The following SPIDR variants were observed in gnomAD, a reference collection of about 807,000 sequenced individuals.
SPIDR encodes DNA repair-scaffolding protein.
SPIDR carries 93 observed loss-of-function variants against 104.6 expected under a neutral mutation model. That is an observed-to-expected ratio of 0.89 (90% confidence interval 0.75 to 1.06). The LOEUF (loss-of-function observed/expected upper bound fraction) is 1.06. SPIDR is among the 50% of genes least tolerant of loss of function. The pLI is 0.00. For missense variants in SPIDR, 1,154 were observed against 1,111.2 expected (o/e 1.04, Z -0.55); for synonymous variants, 431 against 416.9 (o/e 1.03, Z -0.41).
chr8:47,380,882 G>A (rs1554645122), intron 5 of SPIDR, among the ~76,000 whole-genome samples: 1 of 152,112 alleles, frequency 6.6e-6, no homozygotes, highest in Non-Finnish European at 1.5e-5. Flanking sequence ...GTCACAAAAA[G>A]CACACCATGT....
At chr8:47,333,565 G>A (rs1206844241) in intron 5 of SPIDR, among the ~76,000 whole-genome samples, 1 of 151,940 alleles carries the variant, frequency 6.6e-6, no homozygotes, top group African/African-American at 2.4e-5. Context: ...GCCTCCCAAA[G>A]TTCTGGGATT....
intron 10 of SPIDR, among the ~76,000 whole-genome samples, chr8:47,662,133 C>A (rs1450226978): frequency 6.6e-6 from 1 of 152,224 alleles, no homozygotes; most frequent in Non-Finnish European, 1.5e-5. Context: ...CCCTTACTCA[C>A]AACTGTGCTC....
At chr8:47,546,973 C>T in intron 8 of SPIDR, 1 of 502,136 alleles carries the variant, frequency 2.0e-6, no homozygotes, top group Non-Finnish European at 3.9e-6. Context: ...ACGTGAACCA[C>T]ATCAAAAGAT....
intron 7 of SPIDR, among the ~76,000 whole-genome samples, chr8:47,418,388 G>A (rs1278784985): frequency 1.3e-5 from 2 of 152,114 alleles, no homozygotes; most frequent in Admixed American, 6.5e-5. Context: ...TGAAGCAATT[G>A]TGTATGGGAA....
chr8:47,402,454 A>G (rs946424033), intron 6 of SPIDR, among the ~76,000 whole-genome samples: 2 of 152,246 alleles, frequency 1.3e-5, no homozygotes, highest in Non-Finnish European at 2.9e-5. Context: ...ATAGACTGCT[A>G]GCAGGACTAA....
At chr8:47,644,645 G>A (rs1251843971) in intron 10 of SPIDR, among the ~76,000 whole-genome samples, 1 of 152,178 alleles carries the variant, frequency 6.6e-6, no homozygotes, top group Non-Finnish European at 1.5e-5. Context: ...ATCTCCTTAT[G>A]TGATTGATAT....
chr8:47,503,788 A>G (rs186703072), intron 8 of SPIDR, among the ~76,000 whole-genome samples: 14,796 of 151,858 alleles, frequency 0.097, 950 homozygotes, highest in Non-Finnish European at 0.14. Flanking sequence ...GTTCCTTTCC[A>G]TGTTTAGTGC....
chr8:47,366,826 T>A (rs2057292616), intron 5 of SPIDR, among the ~76,000 whole-genome samples: 1 of 152,252 alleles, frequency 6.6e-6, no homozygotes, highest in Non-Finnish European at 1.5e-5. Context: ...TTTTTTTGGT[T>A]ATTCTGCTCT....
At chr8:47,469,628 C>A (rs2075393103) in intron 8 of SPIDR, among the ~76,000 whole-genome samples, 1 of 151,900 alleles carries the variant, frequency 6.6e-6, no homozygotes, top group Non-Finnish European at 1.5e-5. Context: ...GAACAGGAAA[C>A]CAAATACCAC....
intron 19 of SPIDR, chr8:47,729,738 TAGAC>T (rs1368417096): frequency 4.2e-6 from 2 of 472,000 alleles, no homozygotes; most frequent in African/African-American, 3.9e-5. Context: ...TTTTTGTTTT[TAGAC>T]AGAGTCTCAT....
intron 1 of SPIDR, among the ~76,000 whole-genome samples, chr8:47,271,681 AT>A (rs2035353874): frequency 6.6e-6 from 1 of 152,096 alleles, no homozygotes; most frequent in South Asian, 2.1e-4. Context: ...ATAGTAAGTG[AT>A]TTAAAGTCAT....
At position 47,727,291 on chromosome 8, in the gene SPIDR, C is replaced by T; in HGVS notation, c.2433C>T (p.Asp811=). 1 of 1,613,926 alleles carries T rather than the reference C, an allele frequency of 6.2e-7. No individual in the cohort carries two copies. The highest frequency in any genetic ancestry group is 1.1e-5 in the South Asian group (1 of 91,064). The change falls in exon 17 of 20, where the codon GAC becomes GAT. Residue 811 remains aspartate (D), a splice_region_variant and synonymous_variant. Transcript: ENST00000297423. The part of the protein sequence containing the change: ...GNGRLEQRPE[D]RGAFSCGDCS... ...GGAGATTGGAACAGAGGCCGGAAGA[C>T]AGGTAAGGGGACAGGAGCTGTCCTG...
chr8:47,701,562 A>G (rs925007898), intron 12 of SPIDR, among the ~76,000 whole-genome samples, 159 bp from the exon 13 acceptor site: 3 of 152,276 alleles, frequency 2.0e-5, no homozygotes, highest in African/African-American at 7.2e-5. Flanking sequence ...AGTTGGTCCC[A>G]GAAGTAAACA....
At position 47,386,586 on chromosome 8, in the gene SPIDR, C is replaced by T. The variant is rs140084524; in HGVS notation, c.526-9790C>T. On this transcript the variant is annotated intron_variant, in intron 5 of 19. Coordinates refer to ENST00000297423, the MANE Select transcript of SPIDR (RefSeq NM_001080394.4). ...CTGTTACTGGATTGCTGTGGGGGCTCGAGCAAGCCACTGAAGTGTCATCCC... is the reference window on the plus strand; with the variant it reads ...CTGTTACTGGATTGCTGTGGGGGCTTGAGCAAGCCACTGAAGTGTCATCCC... Among the ~76,000 whole-genome samples, 873 of 152,044 alleles carry T rather than the reference C, an allele frequency of 5.7e-3. 12 individuals carry two copies. The highest frequency in any genetic ancestry group is 0.02 in the African/African-American group (832 of 41,442).
rs372928071 is a variant in SPIDR, at chr8:47,594,196, CAAAAAAAAAAAAAAAA to C, written c.1098-1604_1098-1589del. ...TCACCATGATGAAACCCAGTCTCTA[CAAAAAAAAAAAAAAAA>C]AAAAAAAAAAGAATTAGCTGGACAT... On this transcript the variant is annotated intron_variant, in intron 8 of 19. Coordinates refer to ENST00000297423, the MANE Select transcript of SPIDR (RefSeq NM_001080394.4). Among the ~76,000 whole-genome samples the C allele has an allele frequency of 9.3e-5, 5 of 53,580 alleles. No homozygotes were observed. In the Admixed American group the frequency reaches 1.4e-3, roughly 15 times the overall value. 35.2% of individuals were successfully genotyped at this position (53,580 alleles called of 152,430 possible).
At chr8:47,307,359 C>T (rs2043261548) in intron 5 of SPIDR, among the ~76,000 whole-genome samples, 3 of 150,220 alleles carry the variant, frequency 2.0e-5, no homozygotes, top group African/African-American at 4.9e-5. Flanking sequence ...GCTGGGATTA[C>T]AGGCATGTGC....
chr8:47,417,926 AT>A (rs1490424883), intron 7 of SPIDR, among the ~76,000 whole-genome samples: 1 of 152,146 alleles, frequency 6.6e-6, no homozygotes, highest in Non-Finnish European at 1.5e-5. Context: ...CAAAGATCAG[AT>A]AGTTGTAGAT....
intron 8 of SPIDR, among the ~76,000 whole-genome samples, chr8:47,498,723 C>G (rs1055920361): frequency 4.6e-5 from 7 of 152,154 alleles, no homozygotes; most frequent in Non-Finnish European, 1.5e-5. Flanking sequence ...CAACTTAGAC[C>G]TAACATGTTT....
At chr8:47,270,443 C>T (rs933792977) in intron 1 of SPIDR, among the ~76,000 whole-genome samples, 3 of 152,102 alleles carry the variant, frequency 2.0e-5, no homozygotes, top group African/African-American at 7.2e-5. Flanking sequence ...ATAATGTTCT[C>T]TGTAATCTTT....
Sources: gnomAD v4.1 joint callset for allele counts (sites outside exome capture counted in the v4.1 genomes callset) on GRCh38, gnomAD v4.1.1 for gene constraint, MANE v1.5 for transcripts, NCBI Gene and HGNC (gene_info 2026-07-23, HGNC 2026-07-21) for gene names.